RCOR1: variants seen among roughly 807,000 people sequenced by gnomAD.
The protein encoded by RCOR1 is REST corepressor.
In RCOR1, 12 loss-of-function variants were observed where a neutral mutation model predicts 64.0. That is an observed-to-expected ratio of 0.19 (90% CI 0.12 to 0.30). The LOEUF (loss-of-function observed/expected upper bound fraction) is 0.30. Among genes scored for constraint, RCOR1 ranks in the 10% least tolerant of loss-of-function variants. RCOR1 has a pLI of 1.00. For missense variants in RCOR1, 502 were observed against 621.2 expected (o/e 0.81, Z 2.04); for synonymous variants, 279 against 227.2 (o/e 1.23, Z -2.05).
chr14:102,605,309 C>T (rs1893483023), intron 2 of RCOR1, among the ~76,000 whole-genome samples: 1 of 152,072 alleles, frequency 6.6e-6, no homozygotes, highest in African/African-American at 2.4e-5. Flanking sequence ...TTTATTCCTG[C>T]ATGTATGTTG....
chr14:102,609,646 G>A (rs1030160025), intron 2 of RCOR1, among the ~76,000 whole-genome samples: 44 of 149,840 alleles, frequency 2.9e-4, no homozygotes, highest in African/African-American at 1.0e-3. Flanking sequence ...GGGTTTCACC[G>A]TGTTGGCCAG....
At chr14:102,635,435 C>T (rs1016792668) in intron 2 of RCOR1, among the ~76,000 whole-genome samples, 16 of 152,040 alleles carry the variant, frequency 1.1e-4, no homozygotes, top group Non-Finnish European at 2.1e-4. Context: ...ACCCAGGAGG[C>T]GGAGGTTGCA....
intron 2 of RCOR1, among the ~76,000 whole-genome samples, chr14:102,614,218 C>G (rs1244258115): frequency 3.1e-4 from 41 of 131,500 alleles, no homozygotes; most frequent in African/African-American, 1.1e-3. Context: ...TTTTAAACAT[C>G]TGGCTCTTTT....
chr14:102,614,475 C>T (rs1029395760), intron 2 of RCOR1, among the ~76,000 whole-genome samples: 9 of 150,526 alleles, frequency 6.0e-5, no homozygotes, highest in South Asian at 4.2e-4. Flanking sequence ...CCGCCCGCCT[C>T]GGCCTCCCAA....
chr14:102,646,341 AAC>A (rs1894478261), intron 2 of RCOR1, among the ~76,000 whole-genome samples: 1 of 152,248 alleles, frequency 6.6e-6, no homozygotes, highest in South Asian at 2.1e-4. Flanking sequence ...AAAAAGCCAT[AAC>A]AGTCTAACAC....
intron 2 of RCOR1, among the ~76,000 whole-genome samples, chr14:102,641,109 G>T (rs1415730901): frequency 6.6e-6 from 1 of 152,018 alleles, no homozygotes; most frequent in Non-Finnish European, 1.5e-5. Context: ...AAAAAAATTA[G>T]CTGGGCTTGG....
In RCOR1 at chr14:102,675,088, G is replaced by C. The variant is rs536136025; in HGVS notation, c.362-6807G>C. 5.2e-5 allele frequency among the ~76,000 whole-genome samples: 7 copies of C among 135,394 alleles called. No individual in the cohort carries two copies. The East Asian group carries it at 1.4e-3, about 28-fold the overall frequency. 88.8% of individuals were successfully genotyped at this position (135,394 alleles called of 152,430 possible). A position where few individuals can be genotyped will look rare whatever the true frequency, so the allele number is the denominator to read the frequency against. On this transcript the variant is annotated intron_variant, in intron 2 of 11. Transcript: ENST00000262241. ...AAAAAAAAAGTCAACTTTAAACAAA[G>C]AGACCTGCCTGTGTTGGCACCTTCA...
At chr14:102,693,951 A>G (rs1320573308) in intron 3 of RCOR1, among the ~76,000 whole-genome samples, 1 of 152,126 alleles carries the variant, frequency 6.6e-6, no homozygotes, top group South Asian at 2.1e-4. Context: ...TTGGCTTATC[A>G]AAGTGCTGGG....
At chr14:102,636,767 C>T (rs1186447337) in intron 2 of RCOR1, among the ~76,000 whole-genome samples, 3 of 151,586 alleles carry the variant, frequency 2.0e-5, no homozygotes, top group African/African-American at 4.8e-5. Context: ...GTCAGGAGTT[C>T]GAGACCAGCC....
intron 2 of RCOR1, among the ~76,000 whole-genome samples, chr14:102,675,392 C>G (rs746305057): frequency 3.9e-5 from 6 of 152,146 alleles, no homozygotes; most frequent in Non-Finnish European, 8.8e-5. Flanking sequence ...GTTAGACACA[C>G]TGAGAGATCA....
In RCOR1 at chr14:102,726,676, T is replaced by C; in HGVS notation, c.*170T>C. On this transcript the variant is annotated 3_prime_UTR_variant, in exon 12 of 12. Coordinates refer to ENST00000262241, the MANE Select transcript of RCOR1 (RefSeq NM_015156.4). The stretch of plus-strand genomic sequence containing the variant: ...TCCATCTGCCTTAATTCTTTGCTCG[T>C]TCCTCCATGTTGGCGCCACTTCCCA... 1.7e-6 allele frequency: 1 copy of C among 598,052 alleles called. No individual in the cohort carries two copies. The highest frequency in any genetic ancestry group is 3.0e-5 in the East Asian group (1 of 33,218). 37.0% of individuals were successfully genotyped at this position (598,052 alleles called of 1,614,324 possible). A position where few individuals can be genotyped will look rare whatever the true frequency, so the allele number is the denominator to read the frequency against.
Position 102,729,932 on chromosome 14 carries a change from C to G in RCOR1, c.*3426C>G, listed in dbSNP as rs1896337749. On this transcript the variant is annotated 3_prime_UTR_variant, in exon 12 of 12. Coordinates refer to ENST00000262241, the MANE Select transcript of RCOR1 (RefSeq NM_015156.4). ...AGCTTCTATTGTCAAGTGAAACTTT[C>G]CTCAGATGGACTCCAGGTAGCCAGG... The G allele has an allele frequency of 2.5e-6, 1 of 398,950 alleles. No homozygotes were observed. The highest frequency in any genetic ancestry group is 2.1e-5 in the African/African-American group (1 of 48,628). 24.7% of individuals were successfully genotyped at this position (398,950 alleles called of 1,614,324 possible). A position where few individuals can be genotyped will look rare whatever the true frequency, so the allele number is the denominator to read the frequency against.
At chr14:102,605,677 A>G (rs1893492008) in intron 2 of RCOR1, among the ~76,000 whole-genome samples, 2 of 152,210 alleles carry the variant, frequency 1.3e-5, no homozygotes, top group African/African-American at 2.4e-5. Flanking sequence ...TTACTATGCT[A>G]TACTTTGTAT....
At chr14:102,671,797 AT>A (rs1895036854) in intron 2 of RCOR1, among the ~76,000 whole-genome samples, 1 of 152,238 alleles carries the variant, frequency 6.6e-6, no homozygotes, top group Non-Finnish European at 1.5e-5. Context: ...AATTTAAAAC[AT>A]TTTATCATCC....
intron 2 of RCOR1, among the ~76,000 whole-genome samples, chr14:102,647,560 C>T (rs1000789879): frequency 1.3e-5 from 2 of 152,144 alleles, no homozygotes; most frequent in Non-Finnish European, 2.9e-5. Context: ...ACCTCATGAT[C>T]TGGCCACCCC....
intron 2 of RCOR1, among the ~76,000 whole-genome samples, chr14:102,594,115 A>AG (rs1003762581): frequency 6.6e-6 from 1 of 152,218 alleles, no homozygotes; most frequent in African/African-American, 2.4e-5. Flanking sequence ...AAGTGGTACA[A>AG]GAAAAAAAAT....
At chr14:102,656,059 T>C (rs1472116669) in intron 2 of RCOR1, 2 of 985,298 alleles carry the variant, frequency 2.0e-6, no homozygotes, top group East Asian at 1.1e-4. Context: ...TAAGTTGTAA[T>C]GTTTCTTGAT....
At chr14:102,633,125 A>C (rs970709899) in intron 2 of RCOR1, among the ~76,000 whole-genome samples, 4 of 151,744 alleles carry the variant, frequency 2.6e-5, no homozygotes, top group Non-Finnish European at 5.9e-5. Flanking sequence ...TTTTCAACCT[A>C]TATGCTGACC....
At chr14:102,627,900 G>GTGTATATATATA in intron 2 of RCOR1, among the ~76,000 whole-genome samples, 1 of 151,834 alleles carries the variant, frequency 6.6e-6, no homozygotes, top group East Asian at 1.9e-4. Flanking sequence ...CTGTGTGTGC[G>GTGTATATATATA]TGTATATATA....
Sources: gnomAD v4.1 joint callset for allele counts (sites outside exome capture counted in the v4.1 genomes callset) on GRCh38, gnomAD v4.1.1 for gene constraint, MANE v1.5 for transcripts, NCBI Gene and HGNC (gene_info 2026-07-23, HGNC 2026-07-21) for gene names.